The following ANK2 variants were observed in gnomAD, a reference collection of about 807,000 sequenced individuals.
The protein encoded by ANK2 is ankyrin-2.
A neutral mutation model predicts 360.5 loss-of-function variants in ANK2; 83 were observed. That is an observed-to-expected ratio of 0.23 (90% CI 0.19 to 0.28). The LOEUF (loss-of-function observed/expected upper bound fraction) is 0.28. Ranked by LOEUF, ANK2 falls within the 10% of genes least tolerant of loss-of-function variation. The pLI is 1.00. For missense variants in ANK2, 4,201 were observed against 4,795.7 expected, an observed-to-expected ratio of 0.88 and a Z score of 3.66; for synonymous variants, 1,740 against 1,759.5, an observed-to-expected ratio of 0.99 and a Z score of 0.28.
At chr4:113,132,419 A>C (rs1275807186) in intron 1 of ANK2, among the ~76,000 whole-genome samples, 1 of 152,214 alleles carries the variant, frequency 6.6e-6, no homozygotes, top group African/African-American at 2.4e-5. Flanking sequence ...GATCATTTGA[A>C]TAAAATTTGA....
chr4:113,297,632 G>T (rs1044455508), intron 22 of ANK2, among the ~76,000 whole-genome samples: 1 of 151,962 alleles, frequency 6.6e-6, no homozygotes, highest in Non-Finnish European at 1.5e-5. Flanking sequence ...CACCTTTTGA[G>T]GTAGAGCCAA....
At chr4:113,217,464 CTAAA>C (rs2099098147) in intron 4 of ANK2, among the ~76,000 whole-genome samples, 1 of 152,160 alleles carries the variant, frequency 6.6e-6, no homozygotes, top group African/African-American at 2.4e-5. Context: ...TAAATTATAA[CTAAA>C]TACTCCAAAG....
chr4:112,883,888 A>G (rs1309123217), intron 1 of ANK2, among the ~76,000 whole-genome samples: 3 of 148,822 alleles, frequency 2.0e-5, no homozygotes, highest in Admixed American at 6.7e-5. Flanking sequence ...ATGTATATAT[A>G]TGTGTATATA....
intron 22 of ANK2, among the ~76,000 whole-genome samples, chr4:113,299,264 CCAG>C (rs1431776649): frequency 6.6e-6 from 1 of 152,128 alleles, no homozygotes; most frequent in Admixed American, 6.5e-5. Flanking sequence ...AAAAGTATCT[CCAG>C]TAATTATTTT....
At chr4:113,369,992 G>T (rs182548755) in intron 43 of ANK2, among the ~76,000 whole-genome samples, 187 bp downstream of exon 43, 1 of 152,140 alleles carries the variant, frequency 6.6e-6, no homozygotes, top group East Asian at 1.9e-4. Flanking sequence ...AAGAAATGGC[G>T]CACAGTTCCA....
intron 2 of ANK2, among the ~76,000 whole-genome samples, chr4:113,014,601 G>C (rs958880051): frequency 6.6e-6 from 1 of 152,074 alleles, no homozygotes; most frequent in African/African-American, 2.4e-5. Flanking sequence ...ATGTATTCAC[G>C]GCCTATGATT....
chr4:112,719,535 T>C, the ANK2 span, among the ~76,000 whole-genome samples: 2 of 152,048 alleles, frequency 1.3e-5, no homozygotes, highest in African/African-American at 2.4e-5. Flanking sequence ...GAGACCATCC[T>C]GGCTAACACA....
intron 2 of ANK2, among the ~76,000 whole-genome samples, chr4:112,993,826 C>T (rs1268397515): frequency 1.3e-5 from 2 of 152,078 alleles, no homozygotes; most frequent in Non-Finnish European, 2.9e-5. Flanking sequence ...CCTGCCTCAG[C>T]CTCCTGAATA....
chr4:112,965,703 C>T (rs1397820538), intron 2 of ANK2, among the ~76,000 whole-genome samples: 1 of 152,090 alleles, frequency 6.6e-6, no homozygotes, highest in African/African-American at 2.4e-5. Flanking sequence ...CCAGTTTTCC[C>T]AGCAACATTT....
intron 24 of ANK2, among the ~76,000 whole-genome samples, chr4:113,315,896 CAAA>C (rs70961811): frequency 0.025 from 1,242 of 49,152 alleles, 3 homozygotes; most frequent in African/African-American, 0.07. Flanking sequence ...GACTCCGTCT[CAAA>C]AAAAAAAAAA....
intron 2 of ANK2, among the ~76,000 whole-genome samples, chr4:113,016,218 G>T (rs1467709832): frequency 6.6e-6 from 1 of 152,030 alleles, no homozygotes; most frequent in African/African-American, 2.4e-5. Context: ...CTAGTAGAGG[G>T]CAAGTTTCCT....
chr4:113,250,553 A>C (rs571305801), intron 10 of ANK2, among the ~76,000 whole-genome samples: 1 of 152,282 alleles, frequency 6.6e-6, no homozygotes, highest in South Asian at 2.1e-4. Context: ...AATGTATTTT[A>C]AATGCTTTTA....
the ANK2 span, among the ~76,000 whole-genome samples, chr4:112,783,516 A>G: frequency 6.6e-6 from 1 of 152,068 alleles, no homozygotes; most frequent in Admixed American, 6.6e-5. Flanking sequence ...ATACCTAACA[A>G]TAAATATAAT....
At chr4:112,863,848 G>A (rs76559001) in intron 1 of ANK2, among the ~76,000 whole-genome samples, 5 of 151,978 alleles carry the variant, frequency 3.3e-5, no homozygotes, top group Admixed American at 6.6e-5. Context: ...TTATTTTTTT[G>A]ATGTAGTGAT....
intron 2 of ANK2, among the ~76,000 whole-genome samples, chr4:113,039,347 G>A (rs762142635): frequency 1.6e-4 from 25 of 151,932 alleles, no homozygotes; most frequent in Non-Finnish European, 3.7e-4. Flanking sequence ...TCATCTCCAA[G>A]TTAATCCTTT....
intron 2 of ANK2, among the ~76,000 whole-genome samples, chr4:112,981,510 A>G (rs1430775090): frequency 6.6e-6 from 1 of 152,230 alleles, no homozygotes; most frequent in Non-Finnish European, 1.5e-5. Flanking sequence ...CATGGGATTT[A>G]GTAACTTCAT....
intron 35 of ANK2, among the ~76,000 whole-genome samples, chr4:113,347,311 T>C (rs996851410): frequency 6.6e-6 from 1 of 152,178 alleles, no homozygotes; most frequent in African/African-American, 2.4e-5. Flanking sequence ...TAGAAATGGG[T>C]ATATCAACCC....
Position 113,356,126 on chromosome 4 carries a change from C to T in ANK2, c.7508C>T (p.Ala2503Val), listed in dbSNP as rs2095752626. Reference sequence around the variant, plus strand: ...AAAACAGAACTCTTGACGGAAGTGGCCTCTGTGCGGTCCCGGCTACTCCGA... The same window carrying T: ...AAAACAGAACTCTTGACGGAAGTGGTCTCTGTGCGGTCCCGGCTACTCCGA... Reference protein sequence around the residue: ...VAKTELLTEVASVRSRLLRDP... With the variant: ...VAKTELLTEVVSVRSRLLRDP... The change falls in exon 38 of 46, where the codon GCC (alanine) becomes GTC (valine). Residue 2503 changes from alanine to valine, a missense_variant. Transcript: ENST00000357077. The T allele has an allele frequency of 4.3e-6, 7 of 1,613,924 alleles. No homozygotes were observed. In the South Asian group the frequency reaches 4.4e-5, roughly 10 times the overall value.
the ANK2 span, among the ~76,000 whole-genome samples, chr4:112,710,467 G>A: frequency 1.3e-5 from 2 of 152,110 alleles, no homozygotes; most frequent in Non-Finnish European, 2.9e-5. Flanking sequence ...AGACTGAAGC[G>A]AGCGGATTGC....
Sources: allele counts gnomAD v4.1 joint callset (sites outside exome capture counted in the v4.1 genomes callset), GRCh38; gene constraint gnomAD v4.1.1; transcripts MANE v1.5; gene names NCBI Gene and HGNC (gene_info 2026-07-23, HGNC 2026-07-21).